Variants in PTK2 observed in about 807,000 individuals in gnomAD.
The protein encoded by PTK2 is protein tyrosine kinase 2.
Under a neutral mutation model 150.1 loss-of-function variants are expected in PTK2, and 45 were observed. The observed-to-expected ratio is 0.30, with a 90% CI of 0.24 to 0.38. PTK2 has a LOEUF of 0.38. Ranked by LOEUF, PTK2 falls within the 10% of genes least tolerant of loss-of-function variation. The pLI is 1.00. For missense variants in PTK2, 919 were observed against 1,307.3 expected, an observed-to-expected ratio of 0.70 and a Z score of 4.58; for synonymous variants, 432 against 449.2, an observed-to-expected ratio of 0.96 and a Z score of 0.48.
intron 1 of PTK2, among the ~76,000 whole-genome samples, chr8:140,942,730 TGA>T (rs1477397715): frequency 6.6e-6 from 1 of 152,214 alleles, no homozygotes; most frequent in Non-Finnish European, 1.5e-5. Flanking sequence ...TTTTATTTCT[TGA>T]GGCATAACGT....
At chr8:140,868,353 A>T (rs2100140588) in intron 4 of PTK2, among the ~76,000 whole-genome samples, 1 of 152,238 alleles carries the variant, frequency 6.6e-6, no homozygotes, top group South Asian at 2.1e-4. Context: ...CAATTTTTTT[A>T]AAAAAGGGAA....
At chr8:140,867,418 G>T (rs972976130) in intron 4 of PTK2, among the ~76,000 whole-genome samples, 13 of 152,158 alleles carry the variant, frequency 8.5e-5, no homozygotes, top group Non-Finnish European at 1.5e-5. Flanking sequence ...TTCCTCTCCA[G>T]CAAGAACATG....
chr8:140,774,026 G>A (rs1186746388), intron 14 of PTK2, among the ~76,000 whole-genome samples: 1 of 152,116 alleles, frequency 6.6e-6, no homozygotes, highest in Non-Finnish European at 1.5e-5. Flanking sequence ...AACTTTCTAT[G>A]TGATTACGCT....
intron 1 of PTK2, among the ~76,000 whole-genome samples, chr8:140,940,187 T>C (rs185574711): frequency 7.1e-4 from 108 of 152,322 alleles, no homozygotes; most frequent in Non-Finnish European, 1.3e-3. Context: ...GATTAACAGT[T>C]ATGTTCATGA....
chr8:140,815,567 T>C (rs1241341396), intron 10 of PTK2, among the ~76,000 whole-genome samples: 2 of 151,738 alleles, frequency 1.3e-5, no homozygotes. Flanking sequence ...GCTTAAAAAG[T>C]TTTTTTAAAA....
chr8:140,896,788 C>CT (rs1491515271), intron 2 of PTK2, among the ~76,000 whole-genome samples: 1 of 67,302 alleles, frequency 1.5e-5, no homozygotes, highest in Admixed American at 1.6e-4. Flanking sequence ...CCCAAAAAAA[C>CT]GGGGGGGGGG....
intron 2 of PTK2, among the ~76,000 whole-genome samples, chr8:140,913,277 C>G (rs2100163919): frequency 6.7e-6 from 1 of 149,676 alleles, no homozygotes; most frequent in Non-Finnish European, 1.5e-5. Context: ...ATATACTAGG[C>G]CAAGAATTGT....
intron 2 of PTK2, among the ~76,000 whole-genome samples, chr8:140,894,879 C>T (rs1422315403): frequency 1.3e-5 from 2 of 152,054 alleles, no homozygotes; most frequent in Non-Finnish European, 2.9e-5. Flanking sequence ...CTGAAGAGCA[C>T]GATTAACAAA....
chr8:140,894,993 G>A (rs1445655404), intron 2 of PTK2, among the ~76,000 whole-genome samples: 3 of 152,174 alleles, frequency 2.0e-5, no homozygotes, highest in Non-Finnish European at 4.4e-5. Context: ...TACACTGAGT[G>A]AAAGAGAAAG....
At chr8:140,684,231 A>G (rs1336971140) in intron 27 of PTK2, among the ~76,000 whole-genome samples, 2 of 152,008 alleles carry the variant, frequency 1.3e-5, no homozygotes, top group Non-Finnish European at 2.9e-5. Flanking sequence ...GGGGTGGGGG[A>G]TGGTTTTGGG....
intron 22 of PTK2, among the ~76,000 whole-genome samples, chr8:140,725,099 T>A (rs527692912): frequency 1.2e-4 from 18 of 152,276 alleles, no homozygotes; most frequent in African/African-American, 2.2e-4. Flanking sequence ...AAATTATTTT[T>A]AAAAAAACCC....
chr8:140,694,231 C>T (rs113203362), intron 26 of PTK2, among the ~76,000 whole-genome samples: 7 of 151,878 alleles, frequency 4.6e-5, no homozygotes, highest in South Asian at 2.1e-4. Flanking sequence ...TTAGTAGAGA[C>T]GGGGTTTCAC....
intron 13 of PTK2, among the ~76,000 whole-genome samples, chr8:140,790,459 A>G (rs73714752): frequency 0.024 from 3,690 of 152,316 alleles, 155 homozygotes; most frequent in African/African-American, 0.085. Flanking sequence ...AATATTTTAA[A>G]TAACTTTGTT....
At position 140,720,155 on chromosome 8, in the gene PTK2, C is replaced by CATTA. The variant is rs113314505; in HGVS notation, c.2031-2450_2031-2447dup. ...TGTGTGCTTTTGGAAATGTAACGAG[C>CATTA]ATTACATGACCAAAGCACAGCAATG... On this transcript the variant is annotated intron_variant, in intron 22 of 31. Transcript: ENST00000522684. 3.1e-3 allele frequency among the ~76,000 whole-genome samples: 469 copies of CATTA among 152,126 alleles called. 3 individuals carry two copies. The highest frequency in any genetic ancestry group is 0.011 in the African/African-American group (447 of 41,510).
chr8:140,785,754 A>C (rs1189581342), intron 14 of PTK2, among the ~76,000 whole-genome samples: 2 of 152,184 alleles, frequency 1.3e-5, no homozygotes, highest in East Asian at 3.8e-4. Context: ...CATCATTTTC[A>C]AGCTGTGTGA....
chr8:140,843,166 T>C (rs953113251), intron 7 of PTK2, among the ~76,000 whole-genome samples: 2 of 152,164 alleles, frequency 1.3e-5, no homozygotes, highest in African/African-American at 4.8e-5. Context: ...CTAACTTCAG[T>C]GCAAAATTTG....
intron 18 of PTK2, 47 bp from the exon 22 acceptor site, chr8:140,744,814 G>A (rs370550858): frequency 2.7e-6 from 3 of 1,092,054 alleles, no homozygotes; most frequent in Non-Finnish European, 4.0e-6. Flanking sequence ...AAGAATTAGT[G>A]GCAGTGAATC....
intron 22 of PTK2, among the ~76,000 whole-genome samples, chr8:140,729,243 C>T (rs2100047767): frequency 6.6e-6 from 1 of 152,146 alleles, no homozygotes; most frequent in Admixed American, 6.5e-5. Context: ...CACGCACGCA[C>T]AAAATCAAAA....
At chr8:140,702,600 C>T (rs146191861) in exon 25 of PTK2, 2 of 1,613,952 alleles carry the variant, frequency 1.2e-6, no homozygotes, top group East Asian at 2.2e-5. Context: ...TTGCTATCTC[C>T]TGAGGTCTAT....
Sources: allele counts gnomAD v4.1 joint callset (sites outside exome capture counted in the v4.1 genomes callset), GRCh38; gene constraint gnomAD v4.1.1; transcripts MANE v1.5; gene names NCBI Gene and HGNC (gene_info 2026-07-23, HGNC 2026-07-21).